MTUS2: variants seen among roughly 807,000 people sequenced by gnomAD.
MTUS2 encodes microtubule-associated tumor suppressor candidate 2.
MTUS2 carries 40 observed loss-of-function variants against 114.1 expected under a neutral mutation model. The observed-to-expected ratio is 0.35, with a 90% CI of 0.27 to 0.46. MTUS2 has a LOEUF of 0.46. Ranked by LOEUF, MTUS2 falls within the 20% of genes least tolerant of loss-of-function variation. MTUS2 has a pLI of 1.00. For synonymous variants in MTUS2, 688 were observed against 672.0 expected (o/e 1.02, Z -0.37); for missense variants, 1,679 against 1,705.4 (o/e 0.98, Z 0.27).
intron 5 of MTUS2, among the ~76,000 whole-genome samples, chr13:29,153,213 C>T (rs993124406): frequency 3.9e-5 from 6 of 152,138 alleles, no homozygotes; most frequent in African/African-American, 1.4e-4. Context: ...TGAAGCCCAG[C>T]TTCCTAGCAA....
intron 5 of MTUS2, among the ~76,000 whole-genome samples, chr13:29,242,954 T>C (rs1347877566): frequency 6.6e-6 from 1 of 152,014 alleles, no homozygotes; most frequent in Non-Finnish European, 1.5e-5. Context: ...ACTGGGTGTA[T>C]GGTCGATGGT....
chr13:29,290,761 T>G (rs1898676747), intron 6 of MTUS2, among the ~76,000 whole-genome samples: 1 of 152,186 alleles, frequency 6.6e-6, no homozygotes, highest in African/African-American at 2.4e-5. Flanking sequence ...CCCTTGTAGC[T>G]CTGCTCACGA....
intron 4 of MTUS2, among the ~76,000 whole-genome samples, chr13:29,057,065 A>G (rs576060248): frequency 2.6e-5 from 4 of 152,254 alleles, no homozygotes; most frequent in Non-Finnish European, 2.9e-5. Flanking sequence ...TTGTTTACCT[A>G]GAGGTCATTC....
intron 2 of MTUS2, among the ~76,000 whole-genome samples, chr13:28,897,250 A>G (rs554221036): frequency 6.6e-6 from 1 of 152,120 alleles, no homozygotes; most frequent in East Asian, 1.9e-4. Context: ...ATATGAACAC[A>G]TGCTTCTCAA....
chr13:29,123,781 G>GC (rs963634515), intron 5 of MTUS2, among the ~76,000 whole-genome samples: 4 of 152,098 alleles, frequency 2.6e-5, no homozygotes, highest in Non-Finnish European at 4.4e-5. Flanking sequence ...TGTATTGAGA[G>GC]CCCTGGATAA....
At chr13:29,216,704 G>C (rs1200912454) in intron 5 of MTUS2, among the ~76,000 whole-genome samples, 1 of 152,186 alleles carries the variant, frequency 6.6e-6, no homozygotes, top group East Asian at 1.9e-4. Flanking sequence ...TGTCTAACCA[G>C]TCCCAATGTG....
chr13:29,136,585 T>A (rs1566026659), intron 5 of MTUS2, among the ~76,000 whole-genome samples: 1 of 152,168 alleles, frequency 6.6e-6, no homozygotes, highest in Non-Finnish European at 1.5e-5. Context: ...TAATGAAATC[T>A]CCATAAAAGT....
chr13:29,446,134 C>G (rs964008447), intron 9 of MTUS2, among the ~76,000 whole-genome samples: 22 of 152,048 alleles, frequency 1.4e-4, no homozygotes, highest in African/African-American at 4.8e-4. Flanking sequence ...AAAGGTAATC[C>G]TACCACTCGA....
chr13:28,995,209 G>A (rs989798109), intron 2 of MTUS2, among the ~76,000 whole-genome samples: 43 of 152,302 alleles, frequency 2.8e-4, no homozygotes, highest in Admixed American at 2.0e-3. Flanking sequence ...TCAGATAGTT[G>A]CAGATATGCA....
chr13:29,349,152 A>G (rs1869007027), intron 7 of MTUS2, among the ~76,000 whole-genome samples: 1 of 146,364 alleles, frequency 6.8e-6, no homozygotes, highest in African/African-American at 2.5e-5. Context: ...TTATGATTCC[A>G]TTTATCTCCT....
intron 5 of MTUS2, among the ~76,000 whole-genome samples, chr13:29,233,836 C>T (rs1031421768): frequency 1.3e-5 from 2 of 152,160 alleles, no homozygotes; most frequent in African/African-American, 4.8e-5. Context: ...TTTAGTCATT[C>T]CCATTTCAGA....
intron 2 of MTUS2, among the ~76,000 whole-genome samples, chr13:28,917,788 A>G (rs1229190153): frequency 1.3e-5 from 2 of 151,336 alleles, no homozygotes; most frequent in African/African-American, 2.4e-5. Flanking sequence ...TTGCTTTTCT[A>G]GTTCTTTAAG....
chr13:28,957,547 C>G (rs1238551308), intron 2 of MTUS2, among the ~76,000 whole-genome samples: 1 of 152,148 alleles, frequency 6.6e-6, no homozygotes, highest in Non-Finnish European at 1.5e-5. Context: ...AACTATTTAT[C>G]TAGCATTTAC....
chr13:28,954,708 C>T (rs539933618), intron 2 of MTUS2, among the ~76,000 whole-genome samples: 7 of 152,026 alleles, frequency 4.6e-5, no homozygotes, highest in South Asian at 2.1e-4. Context: ...TAAGCACACA[C>T]GCATGTGCAA....
intron 1 of MTUS2, among the ~76,000 whole-genome samples, chr13:28,832,630 T>G: frequency 6.7e-6 from 1 of 148,522 alleles, no homozygotes; most frequent in South Asian, 2.1e-4. Context: ...GCTAAATATA[T>G]AAATATATAT....
intron 6 of MTUS2, among the ~76,000 whole-genome samples, chr13:29,294,673 C>T (rs1898864387): frequency 6.6e-6 from 1 of 152,158 alleles, no homozygotes; most frequent in South Asian, 2.1e-4. Context: ...TCCAAAAGTC[C>T]TCTCTCAGTG....
At chr13:29,352,057 C>T (rs1869335574) in intron 7 of MTUS2, among the ~76,000 whole-genome samples, 3 of 152,188 alleles carry the variant, frequency 2.0e-5, no homozygotes, top group Admixed American at 1.3e-4. Flanking sequence ...TTGCATGCAT[C>T]TGCAAGTGTT....
intron 6 of MTUS2, among the ~76,000 whole-genome samples, chr13:29,287,149 T>A (rs1898525155): frequency 6.6e-6 from 1 of 152,180 alleles, no homozygotes; most frequent in South Asian, 2.1e-4. Flanking sequence ...CATCCAGAAA[T>A]AAATGGATGT....
Position 29,166,130 on chromosome 13 carries a change from C to T in MTUS2, c.2644+65160C>T, listed in dbSNP as rs556481931. On this transcript the variant is annotated intron_variant, in intron 5 of 15. Transcript: ENST00000612955. ...TCCACTTTGGAAAGGATGACCTGAC[C>T]ACTCATTCTAAGTAGAATGAGGACA... 5.8e-4 allele frequency among the ~76,000 whole-genome samples: 89 copies of T among 152,266 alleles called. 1 individual carries two copies. The highest frequency in any genetic ancestry group is 2.0e-3 in the Admixed American group (30 of 15,302).
Sources: gnomAD v4.1 joint callset for allele counts (sites outside exome capture counted in the v4.1 genomes callset) on GRCh38, gnomAD v4.1.1 for gene constraint, MANE v1.5 for transcripts, NCBI Gene and HGNC (gene_info 2026-07-23, HGNC 2026-07-21) for gene names.